SHKBP1: variants seen among roughly 807,000 people sequenced by gnomAD.
The protein encoded by SHKBP1 is SH3KBP1-binding protein 1.
A neutral mutation model predicts 83.9 loss-of-function variants in SHKBP1; 71 were observed. The ratio of observed to expected loss-of-function variants is 0.85; its 90% CI spans 0.70 to 1.03. The LOEUF (loss-of-function observed/expected upper bound fraction) is 1.03, where lower values mean the gene tolerates loss of function less well. SHKBP1 is among the 50% of genes least tolerant of loss of function. The probability of loss-of-function intolerance (pLI) is 0.00; values close to 1 mark genes in which losing one functional copy is unlikely to be tolerated. For missense variants in SHKBP1, 824 were observed against 982.4 expected (o/e 0.84, Z 2.16); for synonymous variants, 371 against 398.0 (o/e 0.93, Z 0.81).
intron 10 of SHKBP1, among the ~76,000 whole-genome samples, chr19:40,582,701 G>A (rs184897885): frequency 2.6e-5 from 4 of 152,232 alleles, no homozygotes. Flanking sequence ...TTGAAAAGGA[G>A]TAGGGAGGAT....
chr19:40,584,824 C>T (rs960431332), intron 12 of SHKBP1, among the ~76,000 whole-genome samples: 6 of 152,154 alleles, frequency 3.9e-5, no homozygotes, highest in Non-Finnish European at 7.3e-5. Flanking sequence ...GGTTACGCCA[C>T]GTTGGCCAGG....
At chr19:40,587,828 C>T (rs2081324351) in intron 13 of SHKBP1, among the ~76,000 whole-genome samples, 2 of 151,816 alleles carry the variant, frequency 1.3e-5, no homozygotes, top group African/African-American at 4.8e-5. Flanking sequence ...CACTTGAGCC[C>T]AAGAGTCAGG....
At chr19:40,589,553 A>T (rs958725085) in intron 15 of SHKBP1, among the ~76,000 whole-genome samples, 1 of 4,066 alleles carries the variant, frequency 2.5e-4, no homozygotes, top group East Asian at 5.7e-3. Context: ...GGGGTGGGAT[A>T]GGGGGACCAG....
intron 1 of SHKBP1, 101 bp downstream of exon 1, chr19:40,577,086 C>T (rs1168539080): frequency 8.0e-7 from 1 of 1,255,694 alleles, no homozygotes; most frequent in Non-Finnish European, 1.1e-6. Flanking sequence ...AGGGTTGCTC[C>T]GCCCCCCCCC....
rs1213488642 is a variant in SHKBP1, at chr19:40,590,882, G to C, written c.1892+29G>C. 1 of 1,570,936 alleles carries C rather than the reference G, an allele frequency of 6.4e-7. No homozygotes were observed. Among genetic ancestry groups the C allele is most frequent in the Non-Finnish European group, 8.7e-7 (1 of 1,149,956 alleles). ...GCCACAACTCCACTGCCCCTTCTGTGCAATGAGGGGAGAGGGGACAGCATG... is the reference window on the plus strand; with the variant it reads ...GCCACAACTCCACTGCCCCTTCTGTCCAATGAGGGGAGAGGGGACAGCATG... On this transcript the variant is annotated intron_variant, in intron 17 of 17. Coordinates refer to ENST00000291842, the MANE Select transcript of SHKBP1 (RefSeq NM_138392.4). The surrounding 1 kb of genome is among the most constrained non-coding windows in gnomAD (Gnocchi z 4.6).
Position 40,580,362 on chromosome 19 carries a change from G to C in SHKBP1, c.439G>C (p.Gly147Arg). 6.2e-7 allele frequency: 1 copy of C among 1,614,198 alleles called. No individual in the cohort carries two copies. The highest frequency in any genetic ancestry group is 8.5e-7 in the Non-Finnish European group (1 of 1,180,044). ...GCGGCGGAACCGGCACAGCCTAGTG[G>C]GGCCTCAGCAGCTAGGAGGACGGCC... is the stretch of plus-strand genomic sequence containing the variant. Reference protein sequence around the residue: ...VKRRNRHSLVGPQQLGGRPAP... With the variant: ...VKRRNRHSLVRPQQLGGRPAP... Residue 147 changes from glycine (G) to arginine (R), a missense_variant, in exon 7 of 18, where the codon GGG (glycine) becomes CGG (arginine). By Grantham distance (125) the Gly-to-Arg change is moderately radical. Transcript: ENST00000291842.
intron 12 of SHKBP1, chr19:40,585,550 T>TTTTTTTTTTTTTTTTTC (rs398034634): frequency 3.5e-5 from 5 of 144,710 alleles, no homozygotes; most frequent in African/African-American, 7.7e-5. Context: ...TTTTTTTTTT[T>TTTTTTTTTTTTTTTTTC]GTCTTTTCCT....
chr19:40,580,950 C>A lies in SHKBP1; in HGVS notation c.844+14C>A. 2.0e-6 allele frequency: 3 copies of A among 1,522,614 alleles called. No individual in the cohort carries two copies. The highest frequency in any genetic ancestry group is 2.8e-5 in the African/African-American group (2 of 72,030). The allele number at this position is 1,522,614 out of a possible 1,614,324, so 94.3% of individuals were successfully genotyped here. A position where few individuals can be genotyped will look rare whatever the true frequency, so the allele number is the denominator to read the frequency against. ...GCTCCGAGATAGGTATGACCCCAAG[C>A]CTTTTCCAGAACCCTCTGTCCTTTA... On this transcript the variant is annotated intron_variant, in intron 9 of 17. Coordinates refer to ENST00000291842, the MANE Select transcript of SHKBP1 (RefSeq NM_138392.4).
In SHKBP1 at chr19:40,590,823, C is replaced by T; in HGVS notation, c.1862C>T (p.Pro621Leu). Residue 621 changes from proline to leucine, a missense_variant, in exon 17 of 18, where the codon CCC (proline) becomes CTC (leucine). Around this residue, in one of 3 missense-constraint regions of SHKBP1, gnomAD observed 287 missense variants for 322.9 expected, o/e 0.89. Coordinates refer to ENST00000291842, the MANE Select transcript of SHKBP1 (RefSeq NM_138392.4). The surrounding 1 kb of genome is among the most constrained non-coding windows in gnomAD (Gnocchi z 4.6). ...APSAPSWGCL[P>L]SPSPRISLTS... Reference sequence around the variant, plus strand: ...TCAGCTCCCTCATGGGGCTGTCTCCCCAGCCCCTCACCCCGCATCTCCCTC... The same window carrying T: ...TCAGCTCCCTCATGGGGCTGTCTCCTCAGCCCCTCACCCCGCATCTCCCTC... 2 of 1,594,304 alleles carry T rather than the reference C, an allele frequency of 1.3e-6. No individual in the cohort carries two copies. The highest frequency in any genetic ancestry group is 1.3e-5 in the African/African-American group (1 of 74,720).
In SHKBP1 at chr19:40,590,809, A is replaced by T; in HGVS notation, c.1848A>T (p.Ser616=). Residue 616 remains serine (S), a synonymous_variant, in exon 17 of 18, where the codon TCA becomes TCT. Transcript: ENST00000291842. This position sits in a 1 kb window ranked among gnomAD's most constrained non-coding sequence, Gnocchi z 4.6. ...CCCCGCCGGCTCCTTCAGCTCCCTC[A>T]TGGGGCTGTCTCCCCAGCCCCTCAC... ...ELAPPAPSAP[S]WGCLPSPSPR... is the part of the protein sequence containing the mutation. 2 of 1,600,462 alleles carry T rather than the reference A, an allele frequency of 1.2e-6. No individual in the cohort carries two copies. Among genetic ancestry groups the T allele is most frequent in the Non-Finnish European group, 1.7e-6 (2 of 1,169,066 alleles).
At chr19:40,586,634 TG>T in intron 12 of SHKBP1, 139 bp from the exon 13 acceptor site, 1 of 816,260 alleles carries the variant, frequency 1.2e-6, no homozygotes, top group Non-Finnish European at 1.7e-6. Flanking sequence ...CCCAAAGTGA[TG>T]GGATTACGGC....
At chr19:40,582,495 C>A (rs73051877) in intron 10 of SHKBP1, 29 bp downstream of exon 10, 37,101 of 1,597,696 alleles carry the variant, frequency 0.023, 567 homozygotes, top group South Asian at 0.039. Context: ...CTGGCTGCCC[C>A]CTTCCCAGTT....
chr19:40,579,816 G>A (rs2081251666), intron 6 of SHKBP1, among the ~76,000 whole-genome samples: 1 of 152,090 alleles, frequency 6.6e-6, no homozygotes, highest in Non-Finnish European at 1.5e-5. Context: ...TGGATCACCT[G>A]AGGTCAGGAG....
intron 9 of SHKBP1, among the ~76,000 whole-genome samples, chr19:40,581,433 G>A (rs1180215894): frequency 1.3e-5 from 2 of 151,860 alleles, no homozygotes; most frequent in Non-Finnish European, 2.9e-5. Flanking sequence ...GAGAATCACT[G>A]GAACCTGGGA....
rs772210218 is a variant in SHKBP1, at chr19:40,580,503, G to T, written c.562+18G>T. 10 of 1,613,700 alleles carry T rather than the reference G, an allele frequency of 6.2e-6. No homozygotes were observed. Among genetic ancestry groups the T allele is most frequent in the Non-Finnish European group, 8.5e-6 (10 of 1,179,692 alleles). On this transcript the variant is annotated intron_variant, in intron 7 of 17. Coordinates refer to ENST00000291842, the MANE Select transcript of SHKBP1 (RefSeq NM_138392.4). ...ACCCTCAGGTACGTTTCTATCTCGTGGAAGGTTGGGGCAGCTGTGGGGTCC... is the reference window on the plus strand; with the variant it reads ...ACCCTCAGGTACGTTTCTATCTCGTTGAAGGTTGGGGCAGCTGTGGGGTCC...
At chr19:40,589,384 C>A (rs420720) in intron 15 of SHKBP1, among the ~76,000 whole-genome samples, 3 of 145,350 alleles carry the variant, frequency 2.1e-5, no homozygotes, top group East Asian at 2.1e-4. Flanking sequence ...GTTGGTGGGA[C>A]TGACCTGGCG....
intron 12 of SHKBP1, among the ~76,000 whole-genome samples, chr19:40,584,463 AC>A (rs1223939101): frequency 6.6e-6 from 1 of 152,196 alleles, no homozygotes; most frequent in Non-Finnish European, 1.5e-5. Context: ...TCCCATTTGA[AC>A]GTGCACAATT....
intron 6 of SHKBP1, among the ~76,000 whole-genome samples, chr19:40,579,715 G>T (rs2081250963): frequency 1.3e-5 from 2 of 151,978 alleles, no homozygotes; most frequent in Admixed American, 6.6e-5. Flanking sequence ...GCTTGCCAAG[G>T]GTGCAGTCTT....
rs922048487 is a variant in SHKBP1, at chr19:40,590,182, G to A, written c.1590-62G>A. ...GGCAGGAACTGCAGCCACAGTGGTGGGGACTGGGACGAGGAAGGGTGAGAA... is the reference window on the plus strand; with the variant it reads ...GGCAGGAACTGCAGCCACAGTGGTGAGGACTGGGACGAGGAAGGGTGAGAA... On this transcript the variant is annotated intron_variant, in intron 15 of 17. Coordinates refer to ENST00000291842, the MANE Select transcript of SHKBP1 (RefSeq NM_138392.4). The surrounding 1 kb of genome is among the most constrained non-coding windows in gnomAD (Gnocchi z 4.6). 45 of 1,468,294 alleles carry A rather than the reference G, an allele frequency of 3.1e-5. No homozygotes were observed. Among genetic ancestry groups the A allele is most frequent in the Non-Finnish European group, 3.7e-5 (41 of 1,104,214 alleles). 91.0% of individuals were successfully genotyped at this position (1,468,294 alleles called of 1,614,324 possible). A position where few individuals can be genotyped will look rare whatever the true frequency, so the allele number is the denominator to read the frequency against.
Sources: allele counts gnomAD v4.1 joint callset (sites outside exome capture counted in the v4.1 genomes callset), GRCh38; gene constraint gnomAD v4.1.1; regional missense constraint gnomAD v4.1.1; non-coding constraint Gnocchi (gnomAD v3.1); transcripts MANE v1.5; gene names NCBI Gene and HGNC (gene_info 2026-07-23, HGNC 2026-07-21).